FAM107B: variants seen among roughly 807,000 people sequenced by gnomAD.
The protein encoded by FAM107B is family with sequence similarity 107 member B.
Under a neutral mutation model 31.5 loss-of-function variants are expected in FAM107B, and 21 were observed. That is an observed-to-expected ratio of 0.67 (90% CI 0.47 to 0.96). The LOEUF is 0.96. FAM107B is among the 40% of genes least tolerant of loss of function. FAM107B has a pLI of 0.00. For missense variants in FAM107B, 452 were observed against 377.1 expected (o/e 1.20, Z -1.64); for synonymous variants, 157 against 141.5 (o/e 1.11, Z -0.78).
rs377696365 is a variant in FAM107B at position 14,674,069 on chromosome 10, C to A, written c.412-6378G>T. The stretch of plus-strand genomic sequence containing the variant: ...CACATGCAGAAGAATGAAGGTAGAC[C>A]CCTATCTCTCACCAGATCCAAAAAT... On this transcript the variant is annotated intron_variant, in intron 1 of 4. Coordinates refer to ENST00000181796, the MANE Select transcript of FAM107B (RefSeq NM_031453.4). Among the ~76,000 whole-genome samples the A allele has an allele frequency of 3.9e-5, 6 of 152,050 alleles. No homozygotes were observed. In the East Asian group the frequency reaches 5.8e-4, roughly 15 times the overall value.
At chr10:14,576,311 G>T (rs113790107) in intron 2 of FAM107B, among the ~76,000 whole-genome samples, 1 of 152,160 alleles carries the variant, frequency 6.6e-6, no homozygotes, top group Non-Finnish European at 1.5e-5. Context: ...GGTGGATCAC[G>T]AGGTCAGGAG....
chr10:14,724,480 C>A (rs2131552943), intron 1 of FAM107B, among the ~76,000 whole-genome samples: 1 of 152,308 alleles, frequency 6.6e-6, no homozygotes, highest in East Asian at 1.9e-4. Flanking sequence ...AGTCACCACG[C>A]TGTTTTGATT....
At chr10:14,580,981 T>C (rs1851616638) in intron 2 of FAM107B, among the ~76,000 whole-genome samples, 1 of 152,238 alleles carries the variant, frequency 6.6e-6, no homozygotes, top group Non-Finnish European at 1.5e-5. Flanking sequence ...CCTGGCTGAA[T>C]GCACCTGAAG....
chr10:14,709,623 G>A (rs1476538782), intron 1 of FAM107B, among the ~76,000 whole-genome samples: 1 of 152,130 alleles, frequency 6.6e-6, no homozygotes, highest in Non-Finnish European at 1.5e-5. Context: ...TGAGATTTGG[G>A]TGGGGACACA....
chr10:14,525,266 A>G (rs11259154), intron 3 of FAM107B, among the ~76,000 whole-genome samples: 40,609 of 152,138 alleles, frequency 0.27, 5,999 homozygotes, highest in Middle Eastern at 0.34. Flanking sequence ...ACAGCTAACA[A>G]GTACTTTCAA....
intron 2 of FAM107B, among the ~76,000 whole-genome samples, chr10:14,604,002 G>A (rs1022580208): frequency 6.8e-6 from 1 of 146,818 alleles, no homozygotes; most frequent in African/African-American, 2.5e-5. Context: ...CCGCCTCCGC[G>A]GCGCCCCCCG....
intron 2 of FAM107B, among the ~76,000 whole-genome samples, chr10:14,656,505 G>A (rs958227604): frequency 2.6e-5 from 4 of 152,194 alleles, no homozygotes; most frequent in Non-Finnish European, 5.9e-5. Flanking sequence ...ACTCCAAGGA[G>A]ACAAGTGACT....
intron 2 of FAM107B, among the ~76,000 whole-genome samples, chr10:14,641,354 T>A (rs1853622722): frequency 1.3e-5 from 2 of 152,252 alleles, no homozygotes; most frequent in Non-Finnish European, 2.9e-5. Flanking sequence ...TTGAGCTCTG[T>A]ACTTGGATTA....
intron 1 of FAM107B, among the ~76,000 whole-genome samples, chr10:14,767,539 C>G (rs1360129483): frequency 6.6e-6 from 1 of 151,826 alleles, no homozygotes; most frequent in Non-Finnish European, 1.5e-5. Flanking sequence ...GTGTAACATA[C>G]CACATTGACA....
chr10:14,679,205 T>C (rs569373070), intron 1 of FAM107B, among the ~76,000 whole-genome samples: 26 of 152,234 alleles, frequency 1.7e-4, no homozygotes, highest in African/African-American at 5.3e-4. Context: ...TCATAGCTCA[T>C]TGCAGCCTTG....
intron 2 of FAM107B, among the ~76,000 whole-genome samples, chr10:14,535,697 T>C (rs1425359611): frequency 1.3e-5 from 2 of 152,254 alleles, no homozygotes; most frequent in African/African-American, 4.8e-5. Context: ...CAAGGGCCTC[T>C]CGTGCTGTTC....
chr10:14,715,710 C>T (rs980921116), intron 1 of FAM107B, among the ~76,000 whole-genome samples: 4 of 152,212 alleles, frequency 2.6e-5, no homozygotes, highest in Non-Finnish European at 5.9e-5. Flanking sequence ...TGAGCTAGGA[C>T]ATCCATCTTC....
At chr10:14,689,745 A>G (rs11259275) in intron 1 of FAM107B, among the ~76,000 whole-genome samples, 47,781 of 151,688 alleles carry the variant, frequency 0.31, 7,633 homozygotes, top group Admixed American at 0.36. Context: ...AGGATCATGT[A>G]AGCCCAGAAG....
At chr10:14,699,074 GA>G (rs1251457507) in intron 1 of FAM107B, among the ~76,000 whole-genome samples, 1 of 152,108 alleles carries the variant, frequency 6.6e-6, no homozygotes, top group African/African-American at 2.4e-5. Context: ...GGGGTACACT[GA>G]AAACAAAGAG....
At chr10:14,604,352 C>G (rs1588653258) in intron 2 of FAM107B, 1 of 672,566 alleles carries the variant, frequency 1.5e-6, no homozygotes, top group Admixed American at 6.5e-5. Context: ...GAGGGCGGCT[C>G]CGGGGGCGGC....
At chr10:14,601,296 T>G (rs1264205051) in intron 2 of FAM107B, among the ~76,000 whole-genome samples, 1 of 152,126 alleles carries the variant, frequency 6.6e-6, no homozygotes, top group African/African-American at 2.4e-5. Flanking sequence ...GTACCGGAAT[T>G]AGGGATATGA....
intron 1 of FAM107B, among the ~76,000 whole-genome samples, chr10:14,726,544 A>G (rs1490525774): frequency 6.6e-6 from 1 of 152,198 alleles, no homozygotes; most frequent in Non-Finnish European, 1.5e-5. Context: ...TTTTGGGGGT[A>G]ATATTCCAAG....
At position 14,678,855 on chromosome 10, in the gene FAM107B, C is replaced by T. The variant is rs116519635; in HGVS notation, c.412-11164G>A. On this transcript the variant is annotated intron_variant, in intron 1 of 4. Coordinates refer to ENST00000181796, the MANE Select transcript of FAM107B (RefSeq NM_031453.4). ...ACAGGCGTCTCCAGGCCTCATCACA[C>T]GGAACAGTTTAGGTGGCAGACACAT... is the stretch of plus-strand genomic sequence containing the variant. 5.2e-3 allele frequency among the ~76,000 whole-genome samples: 799 copies of T among 152,274 alleles called. 7 individuals carry two copies. Among genetic ancestry groups the T allele is most frequent in the African/African-American group, 0.017 (725 of 41,542 alleles).
intron 1 of FAM107B, among the ~76,000 whole-genome samples, chr10:14,732,417 C>T (rs1283616082): frequency 1.3e-5 from 2 of 152,100 alleles, no homozygotes; most frequent in African/African-American, 4.8e-5. Flanking sequence ...AATGTTGGTT[C>T]GGCCATTTAC....
Sources: allele counts gnomAD v4.1 joint callset (sites outside exome capture counted in the v4.1 genomes callset), GRCh38; gene constraint gnomAD v4.1.1; transcripts MANE v1.5; gene names NCBI Gene and HGNC (gene_info 2026-07-23, HGNC 2026-07-21).